LTBP4: variants seen among roughly 807,000 people sequenced by gnomAD.
LTBP4 encodes latent transforming growth factor beta binding protein 4.
Under a neutral mutation model 180.2 loss-of-function variants are expected in LTBP4, and 93 were observed. The observed-to-expected ratio is 0.52, with a 90% confidence interval of 0.44 to 0.61. The LOEUF (loss-of-function observed/expected upper bound fraction) is 0.61, where lower values mean the gene tolerates loss of function less well. Among genes scored for constraint, LTBP4 ranks in the 20% least tolerant of loss-of-function variants. The pLI is 0.00. For missense variants in LTBP4, 2,116 were observed against 2,256.5 expected (o/e 0.94, Z 1.26); for synonymous variants, 947 against 934.5 (o/e 1.01, Z -0.24).
At position 40,601,401 on chromosome 19, in the gene LTBP4, T is replaced by A; in HGVS notation, c.14T>A (p.Val5Glu). 1 of 1,318,576 alleles carries A rather than the reference T, an allele frequency of 7.6e-7. No homozygotes were observed. Among genetic ancestry groups the A allele is most frequent in the Non-Finnish European group, 9.7e-7 (1 of 1,028,242 alleles). 81.7% of individuals were successfully genotyped at this position (1,318,576 alleles called of 1,614,324 possible). The part of the protein sequence containing the change: MAGG[V>E]RLLWVSLLVL... ...GGCGCTGCAGCCATGGCGGGCGGCG[T>A]GCGGCTGCTCTGGGTGTCGCTATTG... is the stretch of plus-strand genomic sequence containing the variant. The change falls in exon 1 of 30, where the codon GTG becomes GAG. Residue 5 changes from valine (V) to glutamate (E), a missense_variant. By Grantham distance (121) the Val-to-Glu change is moderately radical (BLOSUM62 -2). This residue lies in a region of LTBP4 where 469 missense variants were observed against 532.5 expected (regional missense o/e 0.88). Transcript: ENST00000396819.
chr19:40,600,394 G>A (rs553357469), upstream of LTBP4, among the ~76,000 whole-genome samples: 72 of 152,322 alleles, frequency 4.7e-4, no homozygotes, highest in African/African-American at 1.6e-3. The surrounding 1 kb of genome is among the most constrained non-coding windows in gnomAD (Gnocchi z 4.4). Context: ...ACCCGCGGGG[G>A]TGGGGCCGGG....
intron 26 of LTBP4, among the ~76,000 whole-genome samples, chr19:40,625,316 A>ATATATTTTT (rs1568414647): frequency 4.6e-5 from 1 of 21,928 alleles, no homozygotes; most frequent in African/African-American, 2.4e-4. Flanking sequence ...ATATATATAT[A>ATATATTTTT]TTTTTTTTTT....
chr19:40,614,571 C>T (rs2081533496), intron 19 of LTBP4, 125 bp downstream of exon 19: 2 of 1,251,482 alleles, frequency 1.6e-6, no homozygotes, highest in East Asian at 2.6e-5. Flanking sequence ...ACCCTCTCAC[C>T]GTATCTCTGT....
chr19:40,599,088 T>A (rs1025687677), upstream of LTBP4: 7 of 952,414 alleles, frequency 7.3e-6, no homozygotes, highest in Non-Finnish European at 1.2e-5. Context: ...GTCATATACC[T>A]GTTTCAAGCC....
chr19:40,600,271 C>T (rs1018539627), upstream of LTBP4: 1 of 580,764 alleles, frequency 1.7e-6, no homozygotes, highest in Non-Finnish European at 2.6e-6. The surrounding 1 kb of genome is among the most constrained non-coding windows in gnomAD (Gnocchi z 4.4). Context: ...CGCCTACCCG[C>T]CCCCCGTTGT....
rs773810290 is a variant in LTBP4 at position 40,623,978 on chromosome 19, G to A, written c.3728G>A (p.Gly1243Asp). The stretch of plus-strand genomic sequence containing the variant: ...GATGAGGAACCGGCCTGTGAGGGCG[G>A]CCGCTGTGTCAACACTGTGGGCTCT... ...CADEEPACEG[G>D]RCVNTVGSYH... Residue 1243 changes from glycine to aspartate, a missense_variant, in exon 26 of 30, where the codon GGC becomes GAC. Coordinates refer to ENST00000396819, the MANE Select transcript of LTBP4 (RefSeq NM_001042545.2). 6.2e-7 allele frequency: 1 copy of A among 1,613,830 alleles called. No homozygotes were observed. The highest frequency in any genetic ancestry group is 1.7e-5 in the Admixed American group (1 of 60,014).
intron 21 of LTBP4, among the ~76,000 whole-genome samples, chr19:40,617,479 A>C (rs2146038036): frequency 6.6e-6 from 1 of 152,256 alleles, no homozygotes; most frequent in South Asian, 2.1e-4. Flanking sequence ...CCCCGTCTCT[A>C]CTAAAAATAC....
At chr19:40,595,650 G>A (rs1424253414) in intron 1 of LTBP4, among the ~76,000 whole-genome samples, 1 of 152,162 alleles carries the variant, frequency 6.6e-6, no homozygotes, top group Non-Finnish European at 1.5e-5. Context: ...AAGGGCCCCT[G>A]TGGCTTGCAG....
upstream of LTBP4, chr19:40,599,305 G>A (rs750707191): frequency 2.5e-6 from 4 of 1,613,200 alleles, no homozygotes; most frequent in East Asian, 6.7e-5. Flanking sequence ...GGAATAGGAG[G>A]AGAGGGGCAG....
intron 26 of LTBP4, among the ~76,000 whole-genome samples, 172 bp downstream of exon 26, chr19:40,624,254 G>A (rs1269653040): frequency 6.8e-6 from 1 of 147,172 alleles, no homozygotes; most frequent in African/African-American, 2.6e-5. Context: ...CTGTCTCTCT[G>A]AGGCGAGCTG....
chr19:40,604,542 A>G (rs1318955286), intron 1 of LTBP4, among the ~76,000 whole-genome samples: 3 of 152,156 alleles, frequency 2.0e-5, no homozygotes, highest in Admixed American at 1.3e-4. Context: ...AGAGGTTGAC[A>G]TGAAAGTGAA....
At chr19:40,602,761 T>A (rs1022977050) in intron 1 of LTBP4, among the ~76,000 whole-genome samples, 1 of 152,244 alleles carries the variant, frequency 6.6e-6, no homozygotes, top group Admixed American at 6.5e-5. Context: ...GGCATGACGT[T>A]GGCTGTGGCC....
chr19:40,625,302 A>T (rs373658059), intron 26 of LTBP4, among the ~76,000 whole-genome samples: 2,428 of 11,880 alleles, frequency 0.2, 559 homozygotes, highest in African/African-American at 0.51. Context: ...ATATATATAT[A>T]TATATATATA....
intron 21 of LTBP4, 140 bp downstream of exon 21, chr19:40,617,365 C>T: frequency 5.0e-6 from 6 of 1,210,402 alleles, no homozygotes; most frequent in Admixed American, 2.6e-5. Context: ...ATCTTCATGC[C>T]AGGCACGGTG....
In LTBP4 at chr19:40,617,004, AG is replaced by A; in HGVS notation, c.2933del (p.Gly978AlafsTer48). Reference protein sequence around the residue: ...ACDPGYQPTPGGGCQDVDECR... With the variant: ...ACDPGYQPTPXGGCQDVDECR... ...GTGACCCTGGCTATCAGCCCACGCCAGGGGGCGGATGCCAGGGTGGGTGTCC... is the reference window on the plus strand; with the variant it reads ...GTGACCCTGGCTATCAGCCCACGCCAGGGGCGGATGCCAGGGTGGGTGTCC... On this transcript the variant is annotated frameshift_variant, in exon 20 of 30. Coordinates refer to ENST00000396819, the MANE Select transcript of LTBP4 (RefSeq NM_001042545.2). LOFTEE classifies it high-confidence loss of function. 6.2e-7 allele frequency: 1 copy of A among 1,613,234 alleles called. No homozygotes were observed. The highest frequency in any genetic ancestry group is 8.5e-7 in the Non-Finnish European group (1 of 1,179,216).
upstream of LTBP4, among the ~76,000 whole-genome samples, chr19:40,596,635 A>G (rs952239980): frequency 5.9e-5 from 9 of 151,994 alleles, no homozygotes; most frequent in Non-Finnish European, 1.0e-4. Context: ...TCTTGAGAAG[A>G]GATCAATTCT....
intron 27 of LTBP4, 23 bp from the exon 28 acceptor site, chr19:40,626,948 ATTGT>A (rs753617356): frequency 6.6e-7 from 1 of 1,520,308 alleles, no homozygotes; most frequent in Non-Finnish European, 8.8e-7. Flanking sequence ...GCAGGGGCTG[ATTGT>A]TTGCCTTGGC....
In LTBP4 at chr19:40,611,118, G is replaced by T. The variant is rs1599866140; in HGVS notation, c.1811-34G>T. The T allele has an allele frequency of 6.2e-7, 1 of 1,609,894 alleles. No individual in the cohort carries two copies. Among genetic ancestry groups the T allele is most frequent in the South Asian group, 1.1e-5 (1 of 90,908 alleles). ...TGACAGAGGTCAGGGAGGCAGAGGG[G>T]AACAAGTGACCCCGGGCCCCCTGCC... is the stretch of plus-strand genomic sequence containing the variant. On this transcript the variant is annotated intron_variant, in intron 12 of 29. Coordinates refer to ENST00000396819, the MANE Select transcript of LTBP4 (RefSeq NM_001042545.2). The surrounding 1 kb of genome is among the most constrained non-coding windows in gnomAD (Gnocchi z 4.4).
chr19:40,606,013 A>C (rs1440669676), intron 4 of LTBP4, among the ~76,000 whole-genome samples, 182 bp downstream of exon 4: 1 of 151,864 alleles, frequency 6.6e-6, no homozygotes, highest in Non-Finnish European at 1.5e-5. Context: ...CCATTTTCTG[A>C]CTTTGGCCAC....
Sources: gnomAD v4.1 joint callset for allele counts (sites outside exome capture counted in the v4.1 genomes callset) on GRCh38, gnomAD v4.1.1 for gene constraint, gnomAD v4.1.1 regional missense constraint, Gnocchi (gnomAD v3.1) non-coding constraint, MANE v1.5 for transcripts, NCBI Gene and HGNC (gene_info 2026-07-23, HGNC 2026-07-21) for gene names.